LATS2: variants seen among roughly 807,000 people sequenced by gnomAD.
LATS2 encodes the protein serine/threonine-protein kinase LATS2.
In LATS2, 24 loss-of-function variants were observed where a neutral mutation model predicts 76.0. The observed-to-expected ratio is 0.32, with a 90% CI of 0.23 to 0.44. The LOEUF (loss-of-function observed/expected upper bound fraction) is 0.44. Among genes scored for constraint, LATS2 ranks in the 20% least tolerant of loss-of-function variants. The pLI is 1.00. For synonymous variants in LATS2, 692 were observed against 635.4 expected, an observed-to-expected ratio of 1.09 and a Z score of -1.34; for missense variants, 1,286 against 1,481.2, an observed-to-expected ratio of 0.87 and a Z score of 2.16.
intron 5 of LATS2, among the ~76,000 whole-genome samples, chr13:20,982,992 CAAAA>C (rs67372854): frequency 2.4e-4 from 21 of 87,184 alleles, no homozygotes; most frequent in Admixed American, 8.4e-4. Context: ...AACTCTGTCT[CAAAA>C]AAAAAAAAAA....
intron 2 of LATS2, among the ~76,000 whole-genome samples, chr13:21,010,877 G>C (rs1317295792): frequency 1.3e-5 from 2 of 152,244 alleles, no homozygotes; most frequent in Non-Finnish European, 2.9e-5. Flanking sequence ...AAGCAAGTTT[G>C]ACTCCTTCAT....
intron 2 of LATS2, among the ~76,000 whole-genome samples, chr13:21,036,979 A>G (rs1393332148): frequency 6.6e-6 from 1 of 152,236 alleles, no homozygotes; most frequent in Non-Finnish European, 1.5e-5. Flanking sequence ...TAGTAATTCC[A>G]TTCCTAAAAT....
At position 20,988,262 on chromosome 13, in the gene LATS2, G is replaced by A. The variant is rs751957428; in HGVS notation, c.1518C>T (p.Tyr506=). 2.0e-5 allele frequency: 32 copies of A among 1,596,450 alleles called. No homozygotes were observed. The highest frequency in any genetic ancestry group is 6.6e-5 in the South Asian group (6 of 90,656). The part of the protein sequence containing the change: ...GAGAFPLDVE[Y]GGPDRRCPPP... ...GCGGGCACCTCCGGTCTGGGCCTCC[G>A]TACTCCACGTCCAGCGGGAAGGCGC... The change falls in exon 4 of 8, where the codon TAC becomes TAT. Residue 506 remains tyrosine, a synonymous_variant. Coordinates refer to ENST00000382592, the MANE Select transcript of LATS2 (RefSeq NM_014572.3).
At chr13:21,053,340 C>A (rs1302726613) in intron 1 of LATS2, among the ~76,000 whole-genome samples, 1 of 151,914 alleles carries the variant, frequency 6.6e-6, no homozygotes, top group Non-Finnish European at 1.5e-5. Context: ...ACCTTCCTGA[C>A]CTCCCCAATC....
intron 7 of LATS2, among the ~76,000 whole-genome samples, chr13:20,978,396 TC>T (rs1402737818): frequency 6.6e-6 from 1 of 151,984 alleles, no homozygotes; most frequent in African/African-American, 2.4e-5. Context: ...CCTTAGTAAC[TC>T]ATTTCAGAAA....
chr13:21,038,738 T>C (rs960017579), intron 2 of LATS2: 2 of 152,126 alleles, frequency 1.3e-5, no homozygotes, highest in African/African-American at 4.8e-5. Context: ...TCTTACCAGG[T>C]GGCCGAGGCG....
chr13:20,980,809 C>A (rs1437267507), intron 6 of LATS2, among the ~76,000 whole-genome samples: 1 of 152,210 alleles, frequency 6.6e-6, no homozygotes, highest in Non-Finnish European at 1.5e-5. Flanking sequence ...CTTTAAACAA[C>A]ATGTGATGGC....
intron 2 of LATS2, among the ~76,000 whole-genome samples, chr13:21,025,418 T>C (rs528865413): frequency 4.8e-5 from 7 of 146,672 alleles, no homozygotes; most frequent in African/African-American, 1.8e-4. Flanking sequence ...AAAAAAATTA[T>C]GGTCATGAGT....
At chr13:21,055,232 T>G (rs1345476526) in intron 1 of LATS2, among the ~76,000 whole-genome samples, 1 of 152,216 alleles carries the variant, frequency 6.6e-6, no homozygotes, top group African/African-American at 2.4e-5. Context: ...CTATACCATT[T>G]TAATGAGACT....
At chr13:20,978,168 G>A (rs1869712314) in intron 7 of LATS2, among the ~76,000 whole-genome samples, 1 of 152,030 alleles carries the variant, frequency 6.6e-6, no homozygotes, top group Admixed American at 6.6e-5. Flanking sequence ...GCCCGCCTCC[G>A]CCTCCCAAAG....
Position 20,988,736 on chromosome 13 carries a change from G to A in LATS2, c.1044C>T (p.Leu348=), listed in dbSNP as rs554883193. 3.8e-6 allele frequency: 6 copies of A among 1,571,388 alleles called. No homozygotes were observed. The South Asian group carries it at 6.9e-5, about 18-fold the overall frequency. ...CGTTGAGGCTGTTCCGCGAGGGAGT[G>A]AGCAGGCTCTGCGGGGGGCTGTCGC... ...FASDSPPQSL[L]TPSRNSLNVD... Residue 348 remains leucine (L), a synonymous_variant, in exon 4 of 8, where the codon CTC becomes CTT. Transcript: ENST00000382592.
intron 1 of LATS2, among the ~76,000 whole-genome samples, chr13:21,060,068 C>T (rs1350655853): frequency 6.6e-6 from 1 of 152,256 alleles, no homozygotes; most frequent in Non-Finnish European, 1.5e-5. Context: ...CAGCCGCCAG[C>T]CGCCGAGCTA....
chr13:20,983,985 C>T (rs1045871530), intron 4 of LATS2, among the ~76,000 whole-genome samples, 179 bp from the exon 5 acceptor site: 21 of 152,344 alleles, frequency 1.4e-4, no homozygotes, highest in African/African-American at 5.1e-4. Flanking sequence ...GGCTGGAGTG[C>T]AGTGGCACAA....
At chr13:21,023,782 T>C (rs1267921323) in intron 2 of LATS2, among the ~76,000 whole-genome samples, 1 of 150,282 alleles carries the variant, frequency 6.7e-6, no homozygotes, top group East Asian at 2.0e-4. Context: ...AAGACCAGCC[T>C]GACCAACCTG....
chr13:21,043,390 G>C (rs1193863687), intron 2 of LATS2, among the ~76,000 whole-genome samples: 1 of 151,734 alleles, frequency 6.6e-6, no homozygotes, highest in East Asian at 1.9e-4. Flanking sequence ...TTAACAAACT[G>C]ATGCATACAA....
intron 2 of LATS2, among the ~76,000 whole-genome samples, chr13:21,011,410 A>G (rs930353278): frequency 1.3e-5 from 2 of 152,232 alleles, no homozygotes; most frequent in Admixed American, 1.3e-4. Context: ...CATGCTAGGA[A>G]ACTCCTGTTT....
chr13:21,029,023 GATC>G (rs1349162998), intron 2 of LATS2, among the ~76,000 whole-genome samples: 3 of 152,150 alleles, frequency 2.0e-5, no homozygotes, highest in Non-Finnish European at 2.9e-5. Flanking sequence ...CTATAAAAAG[GATC>G]ATGTCAAATG....
At chr13:21,010,026 CCT>C (rs1054351087) in intron 2 of LATS2, among the ~76,000 whole-genome samples, 13 of 152,078 alleles carry the variant, frequency 8.5e-5, no homozygotes, top group African/African-American at 3.1e-4. Context: ...ATGATGAAAC[CCT>C]GTCTCTACTA....
intron 2 of LATS2, among the ~76,000 whole-genome samples, chr13:21,015,640 A>G (rs1050246139): frequency 5.3e-5 from 8 of 152,208 alleles, no homozygotes; most frequent in African/African-American, 1.9e-4. Context: ...TTGATTTTTT[A>G]CAACCAGCAG....
Sources: gnomAD v4.1 joint callset for allele counts (sites outside exome capture counted in the v4.1 genomes callset) on GRCh38, gnomAD v4.1.1 for gene constraint, MANE v1.5 for transcripts, NCBI Gene and HGNC (gene_info 2026-07-23, HGNC 2026-07-21) for gene names.